Variants in ANK2 observed in about 807,000 individuals in gnomAD.
ANK2 encodes the protein ankyrin-2.
In ANK2, 83 loss-of-function variants were observed where a neutral mutation model predicts 360.5. The ratio of observed to expected loss-of-function variants is 0.23; its 90% CI spans 0.19 to 0.28. The LOEUF (loss-of-function observed/expected upper bound fraction) is 0.28. Ranked by LOEUF, ANK2 falls within the 10% of genes least tolerant of loss-of-function variation. The pLI, the probability that ANK2 is intolerant of heterozygous loss-of-function variation, is 1.00. For missense variants in ANK2, 4,201 were observed against 4,795.7 expected (o/e 0.88, Z 3.66); for synonymous variants, 1,740 against 1,759.5 (o/e 0.99, Z 0.28).
intron 1 of ANK2, among the ~76,000 whole-genome samples, chr4:113,139,836 A>G (rs17614202): frequency 0.15 from 23,521 of 152,212 alleles, 2,844 homozygotes; most frequent in East Asian, 0.51. Context: ...GCAGTGTGGA[A>G]TGAAAATAAT....
Position 113,357,667 on chromosome 4 carries a change from C to T in ANK2, c.9049C>T (p.Pro3017Ser), listed in dbSNP as rs1484679982. The T allele has an allele frequency of 6.2e-7, 1 of 1,614,096 alleles. No individual in the cohort carries two copies. Among genetic ancestry groups the T allele is most frequent in the Admixed American group, 1.7e-5 (1 of 60,014 alleles). ...AGACAGTGTCTCTTCATCTTTCGAG[C>T]CTACTATGTCCGCTACAACAACAGT... ...QSDSVSSSFE[P>S]TMSATTTVVG... The change falls in exon 38 of 46, where the codon CCT becomes TCT. Residue 3017 changes from proline (P) to serine (S), a missense_variant. Pro to Ser is a moderately conservative substitution (Grantham distance 74, BLOSUM62 -1). Transcript: ENST00000357077.
intron 14 of ANK2, among the ~76,000 whole-genome samples, chr4:113,271,920 T>C (rs1195102485): frequency 2.0e-5 from 3 of 152,300 alleles, no homozygotes; most frequent in East Asian, 1.9e-4. Context: ...TCAGTGGACA[T>C]TACTGAGAAG....
At chr4:112,737,771 G>A in the ANK2 span, among the ~76,000 whole-genome samples, 1 of 152,168 alleles carries the variant, frequency 6.6e-6, no homozygotes, top group East Asian at 1.9e-4. Flanking sequence ...CTTGGTAGTC[G>A]AAGGAGTTGG....
intron 23 of ANK2, 43 bp downstream of exon 23, chr4:113,302,882 T>C (rs749846758): frequency 1.4e-5 from 21 of 1,533,216 alleles, no homozygotes; most frequent in Non-Finnish European, 1.8e-5. Context: ...GTCATGTTCT[T>C]ACACAAGGGC....
At chr4:113,209,545 A>C (rs1397016923) in intron 4 of ANK2, among the ~76,000 whole-genome samples, 1 of 152,006 alleles carries the variant, frequency 6.6e-6, no homozygotes, top group Non-Finnish European at 1.5e-5. Context: ...CCAGATATCC[A>C]CACCAAGGTT....
In ANK2 at chr4:113,354,968, A is replaced by G. The variant is rs2095655495; in HGVS notation, c.6350A>G (p.Asp2117Gly). The G allele has an allele frequency of 6.2e-7, 1 of 1,614,130 alleles. No homozygotes were observed. The highest frequency in any genetic ancestry group is 8.5e-7 in the Non-Finnish European group (1 of 1,179,998). ...GAAGTGCCCAAAGAAAAGATGGCTG[A>G]TGAGCAGGGAGACATGGATCTACAG... is the stretch of plus-strand genomic sequence containing the variant. ...ESEVPKEKMADEQGDMDLQIS... is the reference protein window; with the variant it reads ...ESEVPKEKMAGEQGDMDLQIS... The change falls in exon 38 of 46, where the codon GAT becomes GGT. Residue 2117 changes from aspartate (D) to glycine (G), a missense_variant. Asp to Gly is a moderately conservative substitution (Grantham distance 94). This residue lies in a region of ANK2 where 2,642 missense variants were observed against 2,714.5 expected (regional missense o/e 0.97). Coordinates refer to ENST00000357077, the MANE Select transcript of ANK2 (RefSeq NM_001148.6).
intron 4 of ANK2, among the ~76,000 whole-genome samples, chr4:113,214,962 A>G (rs796436110): frequency 5.9e-5 from 9 of 152,240 alleles, no homozygotes; most frequent in African/African-American, 1.4e-4. Flanking sequence ...TAACTATTTT[A>G]TTGTACAGGA....
intron 1 of ANK2, among the ~76,000 whole-genome samples, chr4:112,845,438 G>A (rs11731160): frequency 6.6e-6 from 1 of 151,758 alleles, no homozygotes; most frequent in African/African-American, 2.4e-5. Flanking sequence ...TCCTTAGGTT[G>A]CAATTTAAGC....
chr4:112,936,811 C>T (rs968215826), intron 2 of ANK2, among the ~76,000 whole-genome samples: 1 of 150,894 alleles, frequency 6.6e-6, no homozygotes, highest in East Asian at 2.0e-4. Context: ...TTTTTTGAGA[C>T]AAGGTCTCAC....
At chr4:112,841,064 TG>T (rs2061987198) in intron 1 of ANK2, among the ~76,000 whole-genome samples, 1 of 152,232 alleles carries the variant, frequency 6.6e-6, no homozygotes, top group Non-Finnish European at 1.5e-5. Context: ...CCTTCAGGGC[TG>T]GTTTCTTCTG....
chr4:113,149,262 A>G (rs1002280924), intron 1 of ANK2: 3 of 152,140 alleles, frequency 2.0e-5, no homozygotes, highest in African/African-American at 7.2e-5. Flanking sequence ...GATTTTTGGG[A>G]GATTATAAAA....
At chr4:112,746,886 C>T in the ANK2 span, among the ~76,000 whole-genome samples, 1 of 152,276 alleles carries the variant, frequency 6.6e-6, no homozygotes, top group African/African-American at 2.4e-5. Flanking sequence ...GCAAATACTT[C>T]AAATATATTC....
chr4:112,885,389 C>T (rs1430786054), intron 1 of ANK2, among the ~76,000 whole-genome samples: 1 of 151,624 alleles, frequency 6.6e-6, no homozygotes, highest in African/African-American at 2.4e-5. Flanking sequence ...ATCCCAGTTA[C>T]TCGGGAGGCT....
intron 45 of ANK2, among the ~76,000 whole-genome samples, chr4:113,375,189 A>AT (rs1564199085): frequency 1.3e-5 from 2 of 152,230 alleles, no homozygotes; most frequent in Non-Finnish European, 2.9e-5. Context: ...GCTTCTGCTG[A>AT]ATCAGACTCA....
the ANK2 span, among the ~76,000 whole-genome samples, chr4:112,705,738 T>C: frequency 6.6e-6 from 1 of 152,202 alleles, no homozygotes; most frequent in South Asian, 2.1e-4. Flanking sequence ...AGCTCATGGC[T>C]CTCCTGGCGA....
intron 1 of ANK2, among the ~76,000 whole-genome samples, chr4:112,839,051 C>G (rs529162106): frequency 5.3e-5 from 8 of 152,266 alleles, no homozygotes; most frequent in Non-Finnish European, 8.8e-5. Context: ...CCTTTCTCCC[C>G]TCCTTTTGTA....
intron 2 of ANK2, among the ~76,000 whole-genome samples, chr4:113,189,688 C>G (rs1584399618): frequency 1.3e-5 from 2 of 152,148 alleles, no homozygotes; most frequent in South Asian, 4.1e-4. Context: ...TTCTAGCCTC[C>G]CTTTTTGCTT....
intron 23 of ANK2, among the ~76,000 whole-genome samples, chr4:113,309,714 G>T (rs761006952): frequency 5.1e-4 from 77 of 152,096 alleles, no homozygotes; most frequent in Non-Finnish European, 2.1e-4. Context: ...TAGAGATGAG[G>T]TCTAGGTGTT....
the ANK2 span, chr4:112,739,016 G>T: frequency 1.6e-6 from 1 of 621,990 alleles, no homozygotes. Context: ...CAAAAACCAA[G>T]AACCGCAAAG....
Sources: gnomAD v4.1 joint callset for allele counts (sites outside exome capture counted in the v4.1 genomes callset) on GRCh38, gnomAD v4.1.1 for gene constraint, gnomAD v4.1.1 regional missense constraint, MANE v1.5 for transcripts, NCBI Gene and HGNC (gene_info 2026-07-23, HGNC 2026-07-21) for gene names.